FAM107B: variants seen among roughly 807,000 people sequenced by gnomAD.
The protein encoded by FAM107B is protein FAM107B.
In FAM107B, 21 loss-of-function variants were observed where a neutral mutation model predicts 31.5. The ratio of observed to expected loss-of-function variants is 0.67; its 90% CI spans 0.47 to 0.96. The LOEUF is 0.96. Ranked by LOEUF, FAM107B falls within the 40% of genes least tolerant of loss-of-function variation. The pLI is 0.00. For synonymous variants in FAM107B, 157 were observed against 141.5 expected (o/e 1.11, Z -0.78); for missense variants, 452 against 377.1 (o/e 1.20, Z -1.64).
At chr10:14,666,591 G>A (rs1278063481) in intron 2 of FAM107B, among the ~76,000 whole-genome samples, 1 of 152,180 alleles carries the variant, frequency 6.6e-6, no homozygotes, top group South Asian at 2.1e-4. Flanking sequence ...ATGTGTAATG[G>A]GATGAAGAGT....
At chr10:14,604,631 GA>G (rs1333547234) in intron 2 of FAM107B, among the ~76,000 whole-genome samples, 1 of 151,654 alleles carries the variant, frequency 6.6e-6, no homozygotes, top group Non-Finnish European at 1.5e-5. Flanking sequence ...GGGCTGGAGG[GA>G]AAGCGCGGCG....
intron 3 of FAM107B, among the ~76,000 whole-genome samples, chr10:14,523,553 T>G (rs1845894464): frequency 6.6e-6 from 1 of 152,232 alleles, no homozygotes; most frequent in Non-Finnish European, 1.5e-5. Context: ...ACTGCTAATC[T>G]GTAGACAAGG....
intron 2 of FAM107B, among the ~76,000 whole-genome samples, chr10:14,664,279 A>G (rs1375347266): frequency 6.6e-6 from 1 of 152,228 alleles, no homozygotes; most frequent in African/African-American, 2.4e-5. Context: ...TTTAAAGGCT[A>G]CCATTTCTCT....
intron 1 of FAM107B, among the ~76,000 whole-genome samples, chr10:14,769,499 C>T (rs1001456961): frequency 3.3e-5 from 5 of 152,142 alleles, no homozygotes; most frequent in Non-Finnish European, 7.3e-5. Flanking sequence ...ATTCTTGTGC[C>T]TCAGTCTCCC....
intron 2 of FAM107B, among the ~76,000 whole-genome samples, chr10:14,659,270 G>T (rs933139389): frequency 6.6e-6 from 1 of 151,928 alleles, no homozygotes; most frequent in Admixed American, 6.6e-5. Flanking sequence ...GCAAAACCCC[G>T]TCTCTACTGA....
chr10:14,614,476 C>A (rs2131394653), intron 2 of FAM107B, among the ~76,000 whole-genome samples: 1 of 152,090 alleles, frequency 6.6e-6, no homozygotes, highest in South Asian at 2.1e-4. Context: ...GGTTCAAGAT[C>A]AGCCTGACCA....
At chr10:14,561,296 T>A (rs1325666313) in intron 2 of FAM107B, among the ~76,000 whole-genome samples, 3 of 152,158 alleles carry the variant, frequency 2.0e-5, no homozygotes, top group Non-Finnish European at 4.4e-5. Context: ...CCGAGGGAAA[T>A]ATAGTATCAG....
intron 1 of FAM107B, among the ~76,000 whole-genome samples, chr10:14,692,600 G>C (rs919170697): frequency 6.6e-6 from 1 of 152,098 alleles, no homozygotes; most frequent in African/African-American, 2.4e-5. Flanking sequence ...GAACATACCC[G>C]TTTGTCATGG....
chr10:14,599,614 G>A (rs988439709), intron 2 of FAM107B, among the ~76,000 whole-genome samples: 5 of 152,090 alleles, frequency 3.3e-5, no homozygotes, highest in African/African-American at 1.2e-4. Context: ...ATCAGCCGGG[G>A]CAACATAGTG....
intron 2 of FAM107B, chr10:14,572,343 T>C: frequency 1.0e-6 from 1 of 985,366 alleles, no homozygotes; most frequent in African/African-American, 1.7e-5. Context: ...CCTGGGTGGG[T>C]ACCAGGTTGC....
intron 2 of FAM107B, among the ~76,000 whole-genome samples, chr10:14,580,286 G>T (rs1213567524): frequency 6.6e-6 from 1 of 152,070 alleles, no homozygotes; most frequent in East Asian, 1.9e-4. Flanking sequence ...CGTGAACCCA[G>T]GAGGTGGAGC....
At chr10:14,533,546 G>C (rs1445322837) in intron 2 of FAM107B, among the ~76,000 whole-genome samples, 1 of 152,160 alleles carries the variant, frequency 6.6e-6, no homozygotes, top group Admixed American at 6.5e-5. Context: ...ACTCGCTCTC[G>C]TTTACCTGAC....
intron 1 of FAM107B, among the ~76,000 whole-genome samples, chr10:14,773,100 G>A (rs961388152): frequency 1.3e-5 from 2 of 152,162 alleles, no homozygotes; most frequent in African/African-American, 4.8e-5. Flanking sequence ...ATGGGCTTTG[G>A]TTTAGTGGTG....
chr10:14,635,615 T>C (rs940014631), intron 2 of FAM107B, among the ~76,000 whole-genome samples: 2 of 152,054 alleles, frequency 1.3e-5, no homozygotes, highest in Non-Finnish European at 2.9e-5. Flanking sequence ...TGGTTGGAAC[T>C]TGGAATGTGT....
intron 1 of FAM107B, among the ~76,000 whole-genome samples, chr10:14,763,929 A>C (rs1345123914): frequency 3.9e-5 from 6 of 152,184 alleles, no homozygotes; most frequent in Non-Finnish European, 8.8e-5. Context: ...ACCGGGTTTC[A>C]CCCTTTATTC....
At chr10:14,718,124 C>G (rs59503663) in intron 1 of FAM107B, among the ~76,000 whole-genome samples, 13,344 of 152,112 alleles carry the variant, frequency 0.088, 637 homozygotes, top group East Asian at 0.15. Context: ...GTCAGGAGTT[C>G]GAGACCAGCC....
intron 1 of FAM107B, among the ~76,000 whole-genome samples, chr10:14,700,747 C>T (rs758894251): frequency 1.2e-3 from 172 of 147,224 alleles, no homozygotes; most frequent in Non-Finnish European, 2.1e-3. Context: ...GCAACTCTGA[C>T]AGCTGAAGCT....
chr10:14,746,361 G>A (rs1832726793), intron 1 of FAM107B, among the ~76,000 whole-genome samples: 1 of 152,134 alleles, frequency 6.6e-6, no homozygotes, highest in Non-Finnish European at 1.5e-5. Flanking sequence ...TTATTTTGCA[G>A]ACTTGTTGAG....
intron 2 of FAM107B, chr10:14,554,162 T>A (rs751130439): frequency 1.1e-5 from 11 of 985,296 alleles, no homozygotes; most frequent in African/African-American, 3.5e-5. Flanking sequence ...AGAAATGGGC[T>A]TTTTCTTTAT....
Sources: gnomAD v4.1 joint callset for allele counts (sites outside exome capture counted in the v4.1 genomes callset) on GRCh38, gnomAD v4.1.1 for gene constraint, MANE v1.5 for transcripts, NCBI Gene and HGNC (gene_info 2026-07-23, HGNC 2026-07-21) for gene names.